Variants in KCTD1 observed in about 807,000 individuals in gnomAD.
The protein encoded by KCTD1 is BTB/POZ domain-containing protein KCTD1.
A neutral mutation model predicts 66.0 loss-of-function variants in KCTD1; 24 were observed. That is an observed-to-expected ratio of 0.36 (90% confidence interval 0.26 to 0.51). KCTD1 has a LOEUF of 0.51. Ranked by LOEUF, KCTD1 falls within the 20% of genes least tolerant of loss-of-function variation. The pLI is 0.95. For missense variants in KCTD1, 943 were observed against 1,205.2 expected (o/e 0.78, Z 3.22); for synonymous variants, 511 against 517.2 (o/e 0.99, Z 0.16).
chr18:26,482,837 G>A (rs1981719301), intron 2 of KCTD1, among the ~76,000 whole-genome samples: 1 of 152,246 alleles, frequency 6.6e-6, no homozygotes, highest in African/African-American at 2.4e-5. Context: ...GAGACATCCT[G>A]CTCAGGGGTG....
At chr18:26,593,336 A>AGGAGGAGGAGGAG (rs1986657251) in intron 1 of KCTD1, among the ~76,000 whole-genome samples, 2 of 115,318 alleles carry the variant, frequency 1.7e-5, no homozygotes, top group African/African-American at 3.3e-5. Flanking sequence ...AGGAGGAGGA[A>AGGAGGAGGAGGAG]GAGGAGGAAG....
chr18:26,651,799 AAAGAAG>A (rs10530531), intron 1 of KCTD1, among the ~76,000 whole-genome samples: 17 of 117,146 alleles, frequency 1.5e-4, no homozygotes, highest in East Asian at 1.1e-3. Context: ...AAAAAAAAAA[AAAGAAG>A]AAGAAGAAGA....
chr18:26,469,211 C>G lies in KCTD1; in HGVS notation c.2133+7304G>C, dbSNP rs574347839. Among the ~76,000 whole-genome samples, 3 of 151,116 alleles carry G rather than the reference C, an allele frequency of 2.0e-5. No homozygotes were observed. The South Asian group carries it at 6.3e-4, about 31-fold the overall frequency. On this transcript the variant is annotated intron_variant, in intron 3 of 4. Transcript: ENST00000580059. ...CTCAAGCGTGGGTTACAGCTAAATC[C>G]TTAGCCAATTAAAGGGTGTGTTTGG...
At chr18:26,599,632 T>C (rs1006793733) in intron 1 of KCTD1, 1 of 1,476,084 alleles carries the variant, frequency 6.8e-7, no homozygotes, top group Non-Finnish European at 9.5e-7. Flanking sequence ...CTCTGCACAG[T>C]GCTGAGATTT....
chr18:26,514,852 T>C (rs1983569221), intron 1 of KCTD1, among the ~76,000 whole-genome samples: 1 of 152,202 alleles, frequency 6.6e-6, no homozygotes, highest in African/African-American at 2.4e-5. Flanking sequence ...GCACAGGAGA[T>C]TTGTTTCTTG....
At position 26,547,676 on chromosome 18, in the gene KCTD1, G is replaced by A. The variant is rs769558140; in HGVS notation, c.861C>T (p.Ala287=). 4.0e-4 allele frequency: 626 copies of A among 1,551,372 alleles called. 3 individuals carry two copies. Among genetic ancestry groups the A allele is most frequent in the Non-Finnish European group, 1.2e-4 (139 of 1,146,996 alleles). The change falls in exon 1 of 5, where the codon GCC becomes GCT. Residue 287 remains alanine (A), a synonymous_variant. Coordinates refer to ENST00000580059, the MANE Select transcript of KCTD1 (RefSeq NM_001142730.3). ...TGGAGGTGTACAGCTTGCGCAGGTC[G>A]GCGCGCGTGATGGCTTGCTTCTGCA... is the stretch of plus-strand genomic sequence containing the variant. ...PVVQKQAITR[A]DLRKLYTSSV...
In KCTD1 at chr18:26,548,088, C is replaced by G; in HGVS notation, c.449G>C (p.Gly150Ala). The stretch of plus-strand genomic sequence containing the variant: ...GTCGGGGTCCAGCTCGGAGCCGTCC[C>G]CGGGCGGCCCACCGCGGGCCCGGGG... ...LAPRARGGPP[G>A]DGSELDPDVL... Residue 150 changes from glycine (G) to alanine (A), a missense_variant, in exon 1 of 5, where the codon GGG (glycine) becomes GCG (alanine). Coordinates refer to ENST00000580059, the MANE Select transcript of KCTD1 (RefSeq NM_001142730.3). 1.5e-6 allele frequency: 2 copies of G among 1,345,532 alleles called. No homozygotes were observed. The highest frequency in any genetic ancestry group is 1.9e-6 in the Non-Finnish European group (2 of 1,058,426). The allele number at this position is 1,345,532 out of a possible 1,614,324, so 83.3% of individuals were successfully genotyped here. A position where few individuals can be genotyped will look rare whatever the true frequency, so the allele number is the denominator to read the frequency against.
At chr18:26,651,048 A>G (rs1203220292) in intron 1 of KCTD1, among the ~76,000 whole-genome samples, 2 of 152,248 alleles carry the variant, frequency 1.3e-5, no homozygotes, top group African/African-American at 4.8e-5. Context: ...TCAGCAAGAG[A>G]TAGAGACCAA....
At chr18:26,512,723 G>C (rs967197137) in intron 1 of KCTD1, among the ~76,000 whole-genome samples, 11 of 152,130 alleles carry the variant, frequency 7.2e-5, no homozygotes, top group African/African-American at 2.2e-4. Flanking sequence ...GCTCATGTCT[G>C]GAATCCCAGC....
intron 1 of KCTD1, among the ~76,000 whole-genome samples, chr18:26,505,787 G>A (rs1651871385): frequency 6.6e-6 from 1 of 152,058 alleles, no homozygotes; most frequent in African/African-American, 2.4e-5. Flanking sequence ...TTAAACTCCT[G>A]GCCTCAAATG....
intron 1 of KCTD1, among the ~76,000 whole-genome samples, chr18:26,638,818 A>T (rs1463326390): frequency 6.6e-6 from 1 of 152,172 alleles, no homozygotes; most frequent in East Asian, 1.9e-4. Context: ...ATTTTGCATA[A>T]TATTATTGCC....
At chr18:26,649,306 T>C (rs2145076439) in intron 1 of KCTD1, among the ~76,000 whole-genome samples, 1 of 152,300 alleles carries the variant, frequency 6.6e-6, no homozygotes, top group East Asian at 1.9e-4. Context: ...TTTGATTAAA[T>C]AAACAGGAAA....
At chr18:26,504,282 C>A (rs1982918723) in intron 1 of KCTD1, among the ~76,000 whole-genome samples, 1 of 152,128 alleles carries the variant, frequency 6.6e-6, no homozygotes. Flanking sequence ...CTCTGTCACC[C>A]AGGCTGGTGC....
chr18:26,627,981 A>G (rs1193706850), intron 1 of KCTD1, among the ~76,000 whole-genome samples: 1 of 152,148 alleles, frequency 6.6e-6, no homozygotes, highest in Non-Finnish European at 1.5e-5. Context: ...GGCTGCCGGG[A>G]GGTTGCCTTG....
intron 1 of KCTD1, among the ~76,000 whole-genome samples, chr18:26,580,491 A>G (rs1986326711): frequency 6.6e-6 from 1 of 152,180 alleles, no homozygotes; most frequent in Non-Finnish European, 1.5e-5. Context: ...GCAGCAGCTG[A>G]GAGCACACTC....
intron 2 of KCTD1, among the ~76,000 whole-genome samples, chr18:26,500,112 T>C (rs1982678782): frequency 6.6e-6 from 1 of 150,944 alleles, no homozygotes; most frequent in South Asian, 2.1e-4. Flanking sequence ...CGCGACCCCA[T>C]CTCTACAAAA....
At chr18:26,639,046 T>G (rs917496425) in intron 1 of KCTD1, among the ~76,000 whole-genome samples, 2 of 152,076 alleles carry the variant, frequency 1.3e-5, no homozygotes, top group African/African-American at 4.8e-5. Context: ...CTTAGGGAGC[T>G]CTCGGTCTTG....
Position 26,546,970 on chromosome 18 carries a change from C to A in KCTD1, c.1567G>T (p.Gly523Trp). The A allele has an allele frequency of 1.4e-6, 2 of 1,477,794 alleles. No individual in the cohort carries two copies. The highest frequency in any genetic ancestry group is 9.0e-7 in the Non-Finnish European group (1 of 1,109,918). 91.5% of individuals were successfully genotyped at this position (1,477,794 alleles called of 1,614,324 possible). The change falls in exon 1 of 5, where the codon GGG becomes TGG. Residue 523 changes from glycine to tryptophan, a missense_variant. By Grantham distance (184) the Gly-to-Trp change is radical. Transcript: ENST00000580059. Reference sequence around the variant, plus strand: ...GCAGCCTCGGATTTCACGTCGGGCCCGACCTGGCTGTCTTTGGGGAGGATG... The same window carrying A: ...GCAGCCTCGGATTTCACGTCGGGCCAGACCTGGCTGTCTTTGGGGAGGATG... ...TYILPKDSQV[G>W]PDVKSEAAPK...
chr18:26,599,015 T>G (rs572498806), intron 1 of KCTD1, among the ~76,000 whole-genome samples: 1 of 152,326 alleles, frequency 6.6e-6, no homozygotes, highest in East Asian at 1.9e-4. Context: ...CCAAATTGTC[T>G]ATTTTTTCTT....
Sources: allele counts gnomAD v4.1 joint callset (sites outside exome capture counted in the v4.1 genomes callset), GRCh38; gene constraint gnomAD v4.1.1; transcripts MANE v1.5; gene names NCBI Gene and HGNC (gene_info 2026-07-23, HGNC 2026-07-21).